The following MEF2C variants were observed in gnomAD, a reference collection of about 807,000 sequenced individuals.
MEF2C encodes the protein myocyte-specific enhancer factor 2C.
A neutral mutation model predicts 50.5 loss-of-function variants in MEF2C; 6 were observed. That is an observed-to-expected ratio of 0.12 (90% confidence interval 0.07 to 0.23). The LOEUF (loss-of-function observed/expected upper bound fraction) is 0.23, where lower values mean the gene tolerates loss of function less well. MEF2C is among the 10% of genes least tolerant of loss of function. MEF2C has a pLI of 1.00. For missense variants in MEF2C, 276 were observed against 605.0 expected, an observed-to-expected ratio of 0.46 and a Z score of 5.70; for synonymous variants, 183 against 228.0, an observed-to-expected ratio of 0.80 and a Z score of 1.78.
intron 2 of MEF2C, among the ~76,000 whole-genome samples, chr5:88,815,022 G>A (rs975841850): frequency 2.6e-5 from 4 of 151,978 alleles, no homozygotes; most frequent in Non-Finnish European, 5.9e-5. Flanking sequence ...TTGTTAAAGG[G>A]CTAATTTTCA....
chr5:88,764,205 A>G, intron 3 of MEF2C, among the ~76,000 whole-genome samples: 1 of 152,242 alleles, frequency 6.6e-6, no homozygotes, highest in Non-Finnish European at 1.5e-5. Context: ...TTCAGGGGGT[A>G]GATATTGTGT....
chr5:88,830,923 A>T (rs776781888), intron 1 of MEF2C, among the ~76,000 whole-genome samples: 139 of 152,246 alleles, frequency 9.1e-4, no homozygotes, highest in Non-Finnish European at 1.5e-3. Flanking sequence ...TATTGAACAA[A>T]GCAAGTTAAG....
intron 3 of MEF2C, chr5:88,782,205 A>T: frequency 2.1e-6 from 2 of 970,782 alleles, no homozygotes; most frequent in Non-Finnish European, 2.4e-6. Context: ...ACAGTGGCTC[A>T]CTCCTGTAAT....
intron 1 of MEF2C, among the ~76,000 whole-genome samples, chr5:88,889,730 A>T (rs960391480): frequency 2.0e-5 from 3 of 152,076 alleles, no homozygotes; most frequent in African/African-American, 7.2e-5. Context: ...AGGAGGGCGC[A>T]ACGGCTGTGG....
chr5:88,751,048 A>G (rs1008689186), intron 5 of MEF2C: 8 of 969,068 alleles, frequency 8.3e-6, no homozygotes, highest in East Asian at 1.1e-4. Context: ...GTTATATTCA[A>G]TACGCATTGA....
In MEF2C at chr5:88,751,910, C is replaced by G; in HGVS notation, c.536G>C (p.Arg179Thr). 6.2e-7 allele frequency: 1 copy of G among 1,613,986 alleles called. No homozygotes were observed. Among genetic ancestry groups the G allele is most frequent in the Non-Finnish European group, 8.5e-7 (1 of 1,179,888 alleles). Residue 179 changes from arginine (R) to threonine (T), a missense_variant, in exon 5 of 11, where the codon AGG becomes ACG. Transcript: ENST00000504921. ...TGTTACACCAGGAGACATACTATTC[C>G]TCTGCAGAGAAGGGTGAGCCAGTGG... Reference protein sequence around the residue: ...LLPLAHPSLQRNSMSPGVTHR... With the variant: ...LLPLAHPSLQTNSMSPGVTHR...
At chr5:88,831,804 A>G (rs1426427083) in intron 1 of MEF2C, among the ~76,000 whole-genome samples, 1 of 151,990 alleles carries the variant, frequency 6.6e-6, no homozygotes, top group African/African-American at 2.4e-5. Context: ...ATCCTAATCA[A>G]CCTAATTAAG....
intron 1 of MEF2C, among the ~76,000 whole-genome samples, chr5:88,826,102 A>G (rs1166487201): frequency 6.6e-6 from 1 of 151,994 alleles, no homozygotes; most frequent in African/African-American, 2.4e-5. Flanking sequence ...GAGTTCCTCC[A>G]TATCATCACC....
chr5:88,855,403 C>T (rs1822936587), intron 1 of MEF2C, among the ~76,000 whole-genome samples: 3 of 151,988 alleles, frequency 2.0e-5, no homozygotes, highest in African/African-American at 4.8e-5. Flanking sequence ...GATATTTTTT[C>T]CTTAACTGTT....
intron 2 of MEF2C, among the ~76,000 whole-genome samples, chr5:88,807,765 C>A (rs1801133665): frequency 6.6e-6 from 1 of 151,988 alleles, no homozygotes; most frequent in African/African-American, 2.4e-5. Flanking sequence ...AAGAGTCTAC[C>A]AGTTATGGCT....
At chr5:88,733,067 A>G in intron 6 of MEF2C, 1 of 985,072 alleles carries the variant, frequency 1.0e-6, no homozygotes, top group Non-Finnish European at 1.2e-6. Flanking sequence ...ATAAAGACCA[A>G]TACAAGGCAG....
chr5:88,755,511 C>T (rs907931298), intron 4 of MEF2C, among the ~76,000 whole-genome samples: 32 of 152,252 alleles, frequency 2.1e-4, no homozygotes, highest in Non-Finnish European at 4.1e-4. Context: ...AGTTTATTAT[C>T]TTTGGACCAT....
chr5:88,741,816 T>C, intron 6 of MEF2C: 1 of 985,020 alleles, frequency 1.0e-6, no homozygotes, highest in Non-Finnish European at 1.2e-6. Flanking sequence ...AAACTTAAAT[T>C]TGAGTTCAGT....
intron 1 of MEF2C, among the ~76,000 whole-genome samples, chr5:88,888,675 T>C (rs1442211019): frequency 6.6e-6 from 1 of 152,026 alleles, no homozygotes; most frequent in Non-Finnish European, 1.5e-5. Flanking sequence ...ATTCACCTTA[T>C]AGAAATGCAA....
chr5:88,799,675 T>C (rs762520266), intron 3 of MEF2C, among the ~76,000 whole-genome samples: 13 of 152,188 alleles, frequency 8.5e-5, no homozygotes, highest in Non-Finnish European at 1.5e-4. Context: ...ATTTAGGCCT[T>C]AATTATTACT....
chr5:88,791,990 G>A (rs950946777), intron 3 of MEF2C, among the ~76,000 whole-genome samples: 1 of 151,854 alleles, frequency 6.6e-6, no homozygotes, highest in African/African-American at 2.4e-5. Context: ...CTTAACAGAG[G>A]GGAGGGTAGA....
At chr5:88,857,906 G>C (rs1022115616) in intron 1 of MEF2C, among the ~76,000 whole-genome samples, 3 of 152,184 alleles carry the variant, frequency 2.0e-5, no homozygotes, top group African/African-American at 7.2e-5. Context: ...TAAAGTAGCT[G>C]AATGTGTGCT....
Position 88,875,227 on chromosome 5 carries a change from T to C in MEF2C, c.-143+7728A>G, listed in dbSNP as rs549621842. On this transcript the variant is annotated intron_variant, in intron 1 of 10. Transcript: ENST00000504921. ...ATGGTATTATACACAGAACTTACAC[T>C]GTACCTTTCAAATGAAAAGCATAAA... Among the ~76,000 whole-genome samples, 4 of 152,142 alleles carry C rather than the reference T, an allele frequency of 2.6e-5. No individual in the cohort carries two copies. In the South Asian group the frequency reaches 8.3e-4, roughly 32 times the overall value.
intron 1 of MEF2C, among the ~76,000 whole-genome samples, chr5:88,902,473 TTTTG>T (rs1432684016): frequency 6.6e-6 from 1 of 151,430 alleles, no homozygotes. Flanking sequence ...ATATTAGCTA[TTTTG>T]TTTGGGTGGA....
Sources: allele counts gnomAD v4.1 joint callset (sites outside exome capture counted in the v4.1 genomes callset), GRCh38; gene constraint gnomAD v4.1.1; transcripts MANE v1.5; gene names NCBI Gene and HGNC (gene_info 2026-07-23, HGNC 2026-07-21).